COLGALT2: variants seen among roughly 807,000 people sequenced by gnomAD.
COLGALT2 encodes the protein procollagen galactosyltransferase 2.
COLGALT2 carries 49 observed loss-of-function variants against 73.4 expected under a neutral mutation model. The ratio of observed to expected loss-of-function variants is 0.67; its 90% confidence interval spans 0.53 to 0.85. COLGALT2 has a LOEUF of 0.85. COLGALT2 is among the 40% of genes least tolerant of loss of function. COLGALT2 has a pLI of 0.00. For missense variants in COLGALT2, 722 were observed against 790.2 expected, an observed-to-expected ratio of 0.91 and a Z score of 1.03; for synonymous variants, 295 against 307.6, an observed-to-expected ratio of 0.96 and a Z score of 0.43.
intron 6 of COLGALT2, among the ~76,000 whole-genome samples, chr1:183,957,716 T>G (rs1367449495): frequency 6.6e-6 from 1 of 151,996 alleles, no homozygotes; most frequent in Non-Finnish European, 1.5e-5. Flanking sequence ...ATTTAAGGGC[T>G]TAACAGGTTG....
At position 184,037,453 on chromosome 1, in the gene COLGALT2, G is replaced by T. The variant is rs1649730856; in HGVS notation, c.-96C>A. ...CGGCTGCCGGGGAGCAAGGGGCTGC[G>T]AGGGGCGGCCGGGGGATGCGGCTTG... is the stretch of plus-strand genomic sequence containing the variant. On this transcript the variant is annotated 5_prime_UTR_variant, in exon 1 of 12. Coordinates refer to ENST00000361927, the MANE Select transcript of COLGALT2 (RefSeq NM_015101.4). 3.3e-6 allele frequency: 4 copies of T among 1,219,612 alleles called. No homozygotes were observed. The highest frequency in any genetic ancestry group is 4.1e-6 in the Non-Finnish European group (4 of 981,910). The allele number at this position is 1,219,612 out of a possible 1,614,324, so 75.5% of individuals were successfully genotyped here.
At chr1:183,969,569 G>A (rs1456207372) in intron 4 of COLGALT2, 96 bp from the exon 5 acceptor site, 3 of 1,106,706 alleles carry the variant, frequency 2.7e-6, no homozygotes, top group Non-Finnish European at 3.8e-6. Context: ...GTCATTACCA[G>A]CTATATACAA....
chr1:184,012,236 GTCTC>G (rs1207043581), intron 1 of COLGALT2, among the ~76,000 whole-genome samples: 2 of 152,094 alleles, frequency 1.3e-5, no homozygotes, highest in Admixed American at 6.5e-5. Flanking sequence ...TTGTGCAAAT[GTCTC>G]TCTAAGTATT....
chr1:184,010,134 C>A (rs1369707021), intron 1 of COLGALT2, among the ~76,000 whole-genome samples: 1 of 152,088 alleles, frequency 6.6e-6, no homozygotes, highest in Non-Finnish European at 1.5e-5. Flanking sequence ...TCTACAGGGA[C>A]CAGCCAGTCA....
intron 1 of COLGALT2, among the ~76,000 whole-genome samples, chr1:184,024,451 C>T (rs1243665751): frequency 6.6e-6 from 1 of 151,062 alleles, no homozygotes; most frequent in Admixed American, 6.6e-5. Context: ...CTCCTGGGTT[C>T]AAGTGATTCT....
At chr1:184,022,848 G>A (rs1649217764) in intron 1 of COLGALT2, among the ~76,000 whole-genome samples, 2 of 152,182 alleles carry the variant, frequency 1.3e-5, no homozygotes. Context: ...ATGCTTTCAT[G>A]CTTGAGCCCT....
intron 1 of COLGALT2, among the ~76,000 whole-genome samples, chr1:184,028,641 G>A (rs553884712): frequency 2.6e-4 from 40 of 152,300 alleles, no homozygotes; most frequent in Non-Finnish European, 4.7e-4. Flanking sequence ...TAAAGCCAAT[G>A]TGTGAATGAA....
chr1:183,977,812 A>AAGAGAGAG lies in COLGALT2; in HGVS notation c.374+590_374+597dup, dbSNP rs59481089. On this transcript the variant is annotated intron_variant, in intron 2 of 11. Coordinates refer to ENST00000361927, the MANE Select transcript of COLGALT2 (RefSeq NM_015101.4). ...CTTGAAAGAAAGAAGGAAAGAGAGA[A>AAGAGAGAG]AGAGAGAGAGAGAGAGAGAGAGAAA... is the stretch of plus-strand genomic sequence containing the variant. Among the ~76,000 whole-genome samples the AAGAGAGAG allele has an allele frequency of 7.6e-3, 397 of 52,430 alleles. 1 individual carries two copies. Among genetic ancestry groups the AAGAGAGAG allele is most frequent in the African/African-American group, 0.014 (362 of 26,044 alleles). 34.4% of individuals were successfully genotyped at this position (52,430 alleles called of 152,430 possible). A position where few individuals can be genotyped will look rare whatever the true frequency, so the allele number is the denominator to read the frequency against.
At chr1:184,000,914 C>T (rs1041543921) in intron 1 of COLGALT2, among the ~76,000 whole-genome samples, 1 of 150,088 alleles carries the variant, frequency 6.7e-6, no homozygotes, top group African/African-American at 2.5e-5. Flanking sequence ...ACTGCAAGCT[C>T]TGCCTCCCGG....
chr1:183,954,921 G>A, intron 6 of COLGALT2, 83 bp from the exon 7 acceptor site: 1 of 1,068,574 alleles, frequency 9.4e-7, no homozygotes, highest in Non-Finnish European at 1.4e-6. Flanking sequence ...CTGATCTCTA[G>A]GGTTGGAATA....
chr1:183,966,378 G>A (rs1670872133), intron 5 of COLGALT2, among the ~76,000 whole-genome samples: 1 of 152,142 alleles, frequency 6.6e-6, no homozygotes, highest in Non-Finnish European at 1.5e-5. Flanking sequence ...TACTCATATA[G>A]TACCTTAACA....
At chr1:184,020,815 T>C (rs1174041170) in intron 1 of COLGALT2, among the ~76,000 whole-genome samples, 1 of 152,182 alleles carries the variant, frequency 6.6e-6, no homozygotes, top group Non-Finnish European at 1.5e-5. Flanking sequence ...TCTTAGATTG[T>C]ATGGGTCAAG....
In COLGALT2 at chr1:183,937,010, C is replaced by G; in HGVS notation, c.*1751G>C. On this transcript the variant is annotated 3_prime_UTR_variant, in exon 12 of 12. Transcript: ENST00000361927. ...TGAGACAGCTTGGTGATCACTTTCT[C>G]TAGACTCTGAGCCATGCTGTTCAAC... 8.1e-7 allele frequency: 1 copy of G among 1,231,780 alleles called. No individual in the cohort carries two copies. Among genetic ancestry groups the G allele is most frequent in the East Asian group, 3.2e-5 (1 of 31,710 alleles). The allele number at this position is 1,231,780 out of a possible 1,614,324, so 76.3% of individuals were successfully genotyped here. A position where few individuals can be genotyped will look rare whatever the true frequency, so the allele number is the denominator to read the frequency against.
chr1:183,964,399 G>C, intron 5 of COLGALT2: 1 of 270,124 alleles, frequency 3.7e-6, no homozygotes, highest in East Asian at 6.5e-5. Context: ...AGAAAATGAG[G>C]AATGAAATCC....
intron 1 of COLGALT2, among the ~76,000 whole-genome samples, chr1:184,036,633 G>A (rs1649686744): frequency 6.6e-6 from 1 of 152,174 alleles, no homozygotes; most frequent in South Asian, 2.1e-4. Context: ...CCACTGCGGA[G>A]CCCCTGGCCA....
intron 1 of COLGALT2, among the ~76,000 whole-genome samples, chr1:183,982,143 A>G (rs149307642): frequency 1.5e-3 from 229 of 152,324 alleles, no homozygotes; most frequent in Middle Eastern, 6.8e-3. Context: ...AGAACGACCC[A>G]CAGGCCCACC....
At chr1:183,962,977 G>A (rs560551169) in intron 6 of COLGALT2, among the ~76,000 whole-genome samples, 21 of 152,238 alleles carry the variant, frequency 1.4e-4, no homozygotes, top group Admixed American at 1.2e-3. Context: ...CACCTCCACT[G>A]CCCACGTTCA....
chr1:183,995,528 A>G (rs955701055), intron 1 of COLGALT2, among the ~76,000 whole-genome samples: 63 of 152,260 alleles, frequency 4.1e-4, no homozygotes, highest in African/African-American at 1.5e-3. Flanking sequence ...TTCAAGCAGG[A>G]CATTCTGCCA....
intron 1 of COLGALT2, among the ~76,000 whole-genome samples, chr1:183,999,141 G>A (rs1355664695): frequency 6.6e-6 from 1 of 151,894 alleles, no homozygotes; most frequent in Non-Finnish European, 1.5e-5. Context: ...AGCATTTATT[G>A]GGTTGAGAAA....
Sources: allele counts gnomAD v4.1 joint callset (sites outside exome capture counted in the v4.1 genomes callset), GRCh38; gene constraint gnomAD v4.1.1; transcripts MANE v1.5; gene names NCBI Gene and HGNC (gene_info 2026-07-23, HGNC 2026-07-21).